The following CYLC1 variants were observed in gnomAD, a reference collection of about 807,000 sequenced individuals.
The protein encoded by CYLC1 is cylicin-1.
CYLC1 carries 2 observed loss-of-function variants against 31.6 expected under a neutral mutation model. That is an observed-to-expected ratio of 0.06 (90% CI 0.03 to 0.20). The LOEUF (loss-of-function observed/expected upper bound fraction) is 0.20, where lower values mean the gene tolerates loss of function less well. Ranked by LOEUF, CYLC1 falls within the 10% of genes least tolerant of loss-of-function variation. The pLI is 1.00. For synonymous variants in CYLC1, 185 were observed against 153.0 expected (o/e 1.21, Z -1.54); for missense variants, 595 against 424.1 (o/e 1.40, Z -3.54).
Position 83,874,232 on chromosome X carries a change from T to C in CYLC1, c.1524T>C (p.Asp508=). 2 of 1,206,546 alleles carry C rather than the reference T, an allele frequency of 1.7e-6. No individual in the cohort carries two copies. The highest frequency in any genetic ancestry group is 2.2e-6 in the Non-Finnish European group (2 of 892,118). ...AGGAAAAGAAAGGTTCAAAGAAAGA[T>C]ATCAAGAAGGATGCAAGAAAGGACA... ...HSKEKKGSKK[D]IKKDARKDTE... The change falls in exon 4 of 5, where the codon GAT becomes GAC. Residue 508 remains aspartate (D), a synonymous_variant. Coordinates refer to ENST00000329312, the MANE Select transcript of CYLC1 (RefSeq NM_021118.3).
intron 1 of CYLC1, among the ~76,000 whole-genome samples, chrX:83,867,183 C>T (rs181857745): frequency 3.6e-5 from 4 of 111,595 alleles, no homozygotes; most frequent in Non-Finnish European, 5.7e-5. Context: ...TGATGATTTA[C>T]GTATTCTCAA....
chrX:83,885,134 AG>A (rs769036069), intron 4 of CYLC1, among the ~76,000 whole-genome samples: 9 of 111,360 alleles, frequency 8.1e-5, no homozygotes, highest in Non-Finnish European at 1.3e-4. Flanking sequence ...GAAATGTTCT[AG>A]AATGTGACAT....
intron 4 of CYLC1, among the ~76,000 whole-genome samples, chrX:83,883,987 C>A (rs977508487): frequency 9.0e-6 from 1 of 111,057 alleles, no homozygotes; most frequent in Non-Finnish European, 1.9e-5. Flanking sequence ...AGTTTATATT[C>A]AAAAATTACC....
At chrX:83,872,235 T>C (rs1204612569) in intron 3 of CYLC1, among the ~76,000 whole-genome samples, 2 of 111,495 alleles carry the variant, frequency 1.8e-5, no homozygotes, top group Admixed American at 1.9e-4. Context: ...TTTATGGTTA[T>C]TTATGACTAC....
At position 83,873,133 on chromosome X, in the gene CYLC1, C is replaced by T. The variant is rs2031697307; in HGVS notation, c.425C>T (p.Pro142Leu). The T allele has an allele frequency of 1.7e-6, 2 of 1,196,293 alleles. No individual in the cohort carries two copies. Among genetic ancestry groups the T allele is most frequent in the Non-Finnish European group, 2.2e-6 (2 of 889,075 alleles). ...KKKGGSYATN[P>L]ESKQIVEEKT... is the part of the protein sequence containing the mutation. ...AAAGGAGGTTCATATGCAACAAATC[C>T]AGAATCCAAGCAAATAGTAGAAGAG... The change falls in exon 4 of 5, where the codon CCA becomes CTA. Residue 142 changes from proline to leucine, a missense_variant. Pro to Leu is a moderately conservative substitution (Grantham distance 98). Transcript: ENST00000329312.
At chrX:83,868,381 A>G (rs767340422) in intron 1 of CYLC1, among the ~76,000 whole-genome samples, 37 of 111,118 alleles carry the variant, frequency 3.3e-4, no homozygotes, top group African/African-American at 1.2e-3. Context: ...AAACTGGTAC[A>G]GTTTGTAATA....
chrX:83,877,909 AAT>A (rs1180924227), intron 4 of CYLC1, among the ~76,000 whole-genome samples: 680 of 20,994 alleles, frequency 0.032, 43 homozygotes, highest in Middle Eastern at 0.089. Flanking sequence ...AATATATATA[AAT>A]ATATATATAT....
At chrX:83,864,950 C>A (rs897769861) in intron 1 of CYLC1, among the ~76,000 whole-genome samples, 46 of 110,737 alleles carry the variant, frequency 4.2e-4, no homozygotes, top group African/African-American at 1.5e-3. Context: ...AGATCTTGGA[C>A]CTCTTTTTTT....
At chrX:83,861,807 T>C (rs2147774722) in intron 1 of CYLC1, among the ~76,000 whole-genome samples, 1 of 111,551 alleles carries the variant, frequency 9.0e-6, no homozygotes, top group Admixed American at 9.5e-5. Context: ...ATTAAGATAA[T>C]GTAAGCCATG....
In CYLC1 at chrX:83,873,068, T is replaced by A. The variant is rs768640100; in HGVS notation, c.360T>A (p.Asp120Glu). 1.7e-6 allele frequency: 2 copies of A among 1,195,708 alleles called. No homozygotes were observed. The highest frequency in any genetic ancestry group is 4.7e-5 in the Admixed American group (2 of 42,838). Residue 120 changes from aspartate to glutamate, a missense_variant, in exon 4 of 5, where the codon GAT becomes GAA. Transcript: ENST00000329312. The part of the protein sequence containing the change: ...LKKAEYKKSK[D>E]EKGGTPLKKD... ...AAGCAGAATATAAAAAGTCCAAAGATGAAAAAGGAGGAACACCTTTGAAGA... is the reference window on the plus strand; with the variant it reads ...AAGCAGAATATAAAAAGTCCAAAGAAGAAAAAGGAGGAACACCTTTGAAGA...
intron 4 of CYLC1, among the ~76,000 whole-genome samples, chrX:83,883,817 T>A (rs1416411263): frequency 1.8e-5 from 2 of 111,904 alleles, no homozygotes; most frequent in African/African-American, 6.5e-5. Flanking sequence ...AAAAAATGAA[T>A]GAAAGAATTT....
intron 2 of CYLC1, among the ~76,000 whole-genome samples, chrX:83,871,008 T>G (rs1196294419): frequency 9.1e-6 from 1 of 110,307 alleles, no homozygotes; most frequent in East Asian, 2.8e-4. Flanking sequence ...TTTTACTGAC[T>G]GTTGTCAACA....
At chrX:83,863,054 C>T (rs991699632) in intron 1 of CYLC1, among the ~76,000 whole-genome samples, 1 of 111,683 alleles carries the variant, frequency 9.0e-6, no homozygotes, top group African/African-American at 3.3e-5. Flanking sequence ...CACCTGACTC[C>T]TAGTACTCTA....
Position 83,864,682 on chromosome X carries a change from C to G in CYLC1, c.17+3483C>G, listed in dbSNP as rs1222541068. 3 of 318,526 alleles carry G rather than the reference C, an allele frequency of 9.4e-6. No homozygotes were observed. The East Asian group carries it at 3.2e-4, about 34-fold the overall frequency. 26.3% of individuals were successfully genotyped at this position (318,526 alleles called of 1,213,427 possible). A position where few individuals can be genotyped will look rare whatever the true frequency, so the allele number is the denominator to read the frequency against. ...CCAGACCCATTACTGGAGATAATCA[C>G]TATTACTAGTTTCTTTTCTCTCCCA... is the stretch of plus-strand genomic sequence containing the variant. On this transcript the variant is annotated intron_variant, in intron 1 of 4. Transcript: ENST00000329312.
At chrX:83,879,006 A>G (rs1280823732) in intron 4 of CYLC1, among the ~76,000 whole-genome samples, 1 of 109,598 alleles carries the variant, frequency 9.1e-6, no homozygotes, top group Non-Finnish European at 1.9e-5. Context: ...ACACTCCTGG[A>G]TTAAGATTAT....
intron 1 of CYLC1, among the ~76,000 whole-genome samples, chrX:83,864,220 G>C (rs912910577): frequency 1.8e-5 from 2 of 111,786 alleles, no homozygotes; most frequent in African/African-American, 6.5e-5. Context: ...ACAAGTACCA[G>C]ATGTTAGAAC....
chrX:83,873,408 A>G lies in CYLC1; in HGVS notation c.700A>G (p.Ile234Val). 1.7e-6 allele frequency: 2 copies of G among 1,204,527 alleles called. No individual in the cohort carries two copies. The highest frequency in any genetic ancestry group is 2.2e-6 in the Non-Finnish European group (2 of 891,799). ...GAGGTCAAAGACTAGTAATGATCCC[A>G]TATCAGAGATTTGCTCAGAAAATAG... ...LKRSKTSNDP[I>V]SEICSENSLN... is the part of the protein sequence containing the mutation. Residue 234 changes from isoleucine (I) to valine (V), a missense_variant, in exon 4 of 5, where the codon ATA (isoleucine) becomes GTA (valine). Transcript: ENST00000329312.
intron 1 of CYLC1, among the ~76,000 whole-genome samples, chrX:83,868,803 G>A (rs2031625635): frequency 9.1e-6 from 1 of 110,331 alleles, no homozygotes; most frequent in Admixed American, 9.7e-5. Flanking sequence ...AAAATAACTT[G>A]GTATATTAAT....
At chrX:83,869,766 G>T (rs996177729) in intron 1 of CYLC1, 99 bp from the exon 2 acceptor site, 1 of 405,172 alleles carries the variant, frequency 2.5e-6, no homozygotes, top group Non-Finnish European at 3.5e-6. Context: ...ATTGGGCTTT[G>T]TTTTTTTAGA....
Sources: gnomAD v4.1 joint callset for allele counts (sites outside exome capture counted in the v4.1 genomes callset) on GRCh38, gnomAD v4.1.1 for gene constraint, MANE v1.5 for transcripts, NCBI Gene and HGNC (gene_info 2026-07-23, HGNC 2026-07-21) for gene names.